Variants in PRKN observed in about 807,000 individuals in gnomAD.
The protein encoded by PRKN is parkin RBR E3 ubiquitin protein ligase.
A neutral mutation model predicts 59.5 loss-of-function variants in PRKN; 56 were observed. The ratio of observed to expected loss-of-function variants is 0.94; its 90% CI spans 0.76 to 1.18. PRKN has a LOEUF of 1.18. Ranked by LOEUF, PRKN falls within the 50% of genes most tolerant of loss-of-function variation. The pLI is 0.00. For missense variants in PRKN, 657 were observed against 596.4 expected, an observed-to-expected ratio of 1.10 and a Z score of -1.06; for synonymous variants, 250 against 222.1, an observed-to-expected ratio of 1.13 and a Z score of -1.12.
rs116026206 is a variant in PRKN at position 161,728,691 on chromosome 6, C to T, written c.871+57081G>A. ...ATTCTTTTTGGGCTTTTGAACCCAGCAATGCCCTCAGGAGCGAGGGGTGAG... is the reference window on the plus strand; with the variant it reads ...ATTCTTTTTGGGCTTTTGAACCCAGTAATGCCCTCAGGAGCGAGGGGTGAG... On this transcript the variant is annotated intron_variant, in intron 7 of 11. Transcript: ENST00000366898. 6.0e-3 allele frequency among the ~76,000 whole-genome samples: 916 copies of T among 152,274 alleles called. 8 individuals are homozygous for T. Among genetic ancestry groups the T allele is most frequent in the African/African-American group, 0.021 (852 of 41,558 alleles).
At chr6:162,372,166 A>G (rs1474702345) in intron 2 of PRKN, among the ~76,000 whole-genome samples, 8 of 152,212 alleles carry the variant, frequency 5.3e-5, no homozygotes, top group Non-Finnish European at 1.2e-4. Flanking sequence ...GCACAGCTAT[A>G]GAGAAAACAA....
At chr6:161,659,888 G>A (rs1162575994) in intron 7 of PRKN, among the ~76,000 whole-genome samples, 1 of 152,124 alleles carries the variant, frequency 6.6e-6, no homozygotes, top group Non-Finnish European at 1.5e-5. Flanking sequence ...ACTGAGTCTG[G>A]ACAGAGATGT....
chr6:161,732,598 T>C (rs1487241086), intron 7 of PRKN, among the ~76,000 whole-genome samples: 1 of 152,044 alleles, frequency 6.6e-6, no homozygotes, highest in Non-Finnish European at 1.5e-5. Flanking sequence ...TGCAAAGAAA[T>C]ACCTACTCAA....
Position 162,144,815 on chromosome 6 carries a change from C to A in PRKN, c.534+56316G>T, listed in dbSNP as rs1366679636. Among the ~76,000 whole-genome samples the A allele has an allele frequency of 1.3e-5, 2 of 152,144 alleles. 1 individual carries two copies. The highest frequency in any genetic ancestry group is 2.9e-5 in the Non-Finnish European group (2 of 68,020). On this transcript the variant is annotated intron_variant, in intron 4 of 11. Transcript: ENST00000366898. ...GGCACAGTGGAAAGTCTCACACTGA[C>A]AGGCCTTGGTGAGAGAACCACATTT...
chr6:161,896,399 G>A (rs1344032073), intron 6 of PRKN, among the ~76,000 whole-genome samples: 1 of 152,092 alleles, frequency 6.6e-6, no homozygotes, highest in Admixed American at 6.5e-5. Context: ...TTTAGCAGAG[G>A]CCATGTGTCT....
At chr6:161,772,888 G>C (rs1477249290) in intron 7 of PRKN, among the ~76,000 whole-genome samples, 2 of 152,080 alleles carry the variant, frequency 1.3e-5, no homozygotes, top group Non-Finnish European at 2.9e-5. Flanking sequence ...CAGAGGTTCA[G>C]GACTAGGAGT....
At chr6:162,631,531 A>T (rs1409809014) in intron 1 of PRKN, among the ~76,000 whole-genome samples, 2 of 151,768 alleles carry the variant, frequency 1.3e-5, no homozygotes, top group Admixed American at 6.6e-5. Flanking sequence ...CCATTTTTAA[A>T]TTTTTTTTAT....
intron 1 of PRKN, among the ~76,000 whole-genome samples, chr6:162,468,067 T>C (rs893756528): frequency 2.0e-5 from 3 of 152,186 alleles, no homozygotes; most frequent in African/African-American, 7.2e-5. Context: ...GTGGTTCTTA[T>C]CACCACTTTG....
chr6:161,900,583 A>G (rs1777857331), intron 6 of PRKN, among the ~76,000 whole-genome samples: 2 of 128,474 alleles, frequency 1.6e-5, no homozygotes, highest in Non-Finnish European at 3.1e-5. Flanking sequence ...GTAATATATT[A>G]TATATTAATA....
chr6:162,213,846 CACACACACACACAT>C lies in PRKN; in HGVS notation c.413-12608_413-12595del, dbSNP rs1396104781. ...ACACACACACACACACACACACACA[CACACACACACACAT>C]ATGAATAGTAAGAAGTAATAGAGTC... On this transcript the variant is annotated intron_variant, in intron 3 of 11. Transcript: ENST00000366898. 1.6e-3 allele frequency among the ~76,000 whole-genome samples: 177 copies of C among 112,646 alleles called. 4 individuals are homozygous for C. In the East Asian group the frequency reaches 0.042, roughly 27 times the overall value. 73.9% of individuals were successfully genotyped at this position (112,646 alleles called of 152,430 possible). A position where few individuals can be genotyped will look rare whatever the true frequency, so the allele number is the denominator to read the frequency against.
chr6:162,381,298 A>G (rs1786471712), intron 2 of PRKN, among the ~76,000 whole-genome samples: 1 of 152,194 alleles, frequency 6.6e-6, no homozygotes, highest in South Asian at 2.1e-4. Context: ...TATTTCTATA[A>G]CTATTGTTGC....
chr6:161,739,963 C>T (rs1307824320), intron 7 of PRKN, among the ~76,000 whole-genome samples: 1 of 152,104 alleles, frequency 6.6e-6, no homozygotes, highest in Non-Finnish European at 1.5e-5. Flanking sequence ...CCATGTTGGC[C>T]CGGCTGGTCT....
intron 6 of PRKN, among the ~76,000 whole-genome samples, chr6:161,912,602 G>A (rs749551463): frequency 5.9e-5 from 9 of 152,028 alleles, no homozygotes; most frequent in Non-Finnish European, 1.2e-4. Context: ...GAGGGGCCAC[G>A]TGGAGATAGA....
chr6:161,380,820 T>G (rs561836395), intron 10 of PRKN, among the ~76,000 whole-genome samples: 148 of 152,318 alleles, frequency 9.7e-4, no homozygotes, highest in African/African-American at 3.4e-3. Context: ...TTTATGCTAC[T>G]GACATCACAA....
intron 3 of PRKN, among the ~76,000 whole-genome samples, chr6:162,232,131 A>G (rs1204033912): frequency 6.6e-6 from 1 of 152,140 alleles, no homozygotes; most frequent in Non-Finnish European, 1.5e-5. Context: ...CTTTATCTCA[A>G]GATTATGCGA....
At chr6:162,378,405 G>A (rs987663222) in intron 2 of PRKN, among the ~76,000 whole-genome samples, 1 of 152,242 alleles carries the variant, frequency 6.6e-6, no homozygotes, top group African/African-American at 2.4e-5. Flanking sequence ...GCTACCAAAA[G>A]TACAGTTTAA....
intron 7 of PRKN, among the ~76,000 whole-genome samples, chr6:161,727,153 G>A (rs968469801): frequency 6.6e-6 from 1 of 152,178 alleles, no homozygotes; most frequent in Non-Finnish European, 1.5e-5. Flanking sequence ...GGAGCTGCTG[G>A]CTAGCTGTCG....
At chr6:162,416,991 G>C (rs1421732623) in intron 2 of PRKN, among the ~76,000 whole-genome samples, 1 of 152,108 alleles carries the variant, frequency 6.6e-6, no homozygotes, top group Admixed American at 6.5e-5. Flanking sequence ...TAAATCTATA[G>C]CTCTTCTGCT....
At chr6:161,989,859 A>G (rs1458851873) in intron 5 of PRKN, among the ~76,000 whole-genome samples, 1 of 151,962 alleles carries the variant, frequency 6.6e-6, no homozygotes, top group African/African-American at 2.4e-5. Flanking sequence ...GCTCACACAC[A>G]ACTCCCAGAG....
Sources: allele counts gnomAD v4.1 joint callset (sites outside exome capture counted in the v4.1 genomes callset), GRCh38; gene constraint gnomAD v4.1.1; transcripts MANE v1.5; gene names NCBI Gene and HGNC (gene_info 2026-07-23, HGNC 2026-07-21).